SEC31B: variants seen among roughly 807,000 people sequenced by gnomAD.
SEC31B encodes SEC31 homolog B, COPII component.
In SEC31B, 113 loss-of-function variants were observed where a neutral mutation model predicts 135.0. That is an observed-to-expected ratio of 0.84 (90% CI 0.72 to 0.98). SEC31B has a LOEUF of 0.98. Ranked by LOEUF, SEC31B falls within the 50% of genes least tolerant of loss-of-function variation. SEC31B has a pLI of 0.00. For missense variants in SEC31B, 1,296 were observed against 1,421.1 expected, an observed-to-expected ratio of 0.91 and a Z score of 1.42; for synonymous variants, 508 against 549.4, an observed-to-expected ratio of 0.92 and a Z score of 1.05.
At chr10:100,497,044 A>G in intron 17 of SEC31B, 91 bp downstream of exon 17, 1 of 1,495,266 alleles carries the variant, frequency 6.7e-7, no homozygotes, top group Non-Finnish European at 9.1e-7. Context: ...CCTGTCCCAG[A>G]AGATTCGCCT....
At position 100,498,104 on chromosome 10, in the gene SEC31B, G is replaced by C; in HGVS notation, c.1788C>G (p.Ala596=). ...TCAGCAGATCTGTACCCCCAGCCTG[G>C]GCCAGGATAATGGCATCAGCAAAGC... ...EERFADAIIL[A]QAGGTDLLKQ... The change falls in exon 15 of 26, where the codon GCC becomes GCG. Residue 596 remains alanine (A), a synonymous_variant. Transcript: ENST00000370345. 1 of 1,614,120 alleles carries C rather than the reference G, an allele frequency of 6.2e-7. No individual in the cohort carries two copies. The highest frequency in any genetic ancestry group is 8.5e-7 in the Non-Finnish European group (1 of 1,180,030).
intron 11 of SEC31B, among the ~76,000 whole-genome samples, chr10:100,501,874 T>C (rs1851530627): frequency 6.6e-6 from 1 of 152,232 alleles, no homozygotes; most frequent in Non-Finnish European, 1.5e-5. Context: ...TAACTAATGT[T>C]TTTCCTTTCT....
At chr10:100,517,424 C>G (rs932545909) in intron 1 of SEC31B, among the ~76,000 whole-genome samples, 1 of 152,186 alleles carries the variant, frequency 6.6e-6, no homozygotes, top group Admixed American at 6.5e-5. Context: ...TGCAGTGACA[C>G]GATCTCAGCT....
In SEC31B at chr10:100,489,072, T is replaced by C. The variant is rs189443030; in HGVS notation, c.3172-98A>G. 182 of 1,510,078 alleles carry C rather than the reference T, an allele frequency of 1.2e-4. 1 individual carries two copies. The East Asian group carries it at 2.9e-3, about 24-fold the overall frequency. The allele number at this position is 1,510,078 out of a possible 1,614,324, so 93.5% of individuals were successfully genotyped here. On this transcript the variant is annotated intron_variant, in intron 23 of 25. Transcript: ENST00000370345. ...CCCCAGTGACTCACAGTCACACTGT[T>C]CCCATTACAGCAGAGTTGGGGAGAT...
At chr10:100,513,585 T>G (rs2133697692) in intron 3 of SEC31B, among the ~76,000 whole-genome samples, 1 of 152,142 alleles carries the variant, frequency 6.6e-6, no homozygotes, top group East Asian at 1.9e-4. Flanking sequence ...TTCTGGTGCC[T>G]CAGCCTCCCG....
chr10:100,517,486 C>T (rs745534409), intron 1 of SEC31B, among the ~76,000 whole-genome samples: 43 of 152,174 alleles, frequency 2.8e-4, no homozygotes, highest in African/African-American at 1.0e-3. Context: ...CTCAGCCTCC[C>T]GAGTGGCTGG....
chr10:100,502,947 G>A (rs1851550795), intron 10 of SEC31B, among the ~76,000 whole-genome samples: 2 of 152,012 alleles, frequency 1.3e-5, no homozygotes, highest in Non-Finnish European at 2.9e-5. Flanking sequence ...CTCTAATTAA[G>A]CCTTAGACTA....
rs1183897822 is a variant in SEC31B at position 100,495,384 on chromosome 10, C to T, written c.2472+1G>A. On this transcript the variant is annotated splice_donor_variant, in intron 19 of 25. Transcript: ENST00000370345. LOFTEE classifies it high-confidence loss of function. ...AAATGAATGAACAAACGAGGTCTTA[C>T]CTGGTGAGAAGGCTGGGATCCCAAT... 2 of 1,613,050 alleles carry T rather than the reference C, an allele frequency of 1.2e-6. No individual in the cohort carries two copies. Among genetic ancestry groups the T allele is most frequent in the South Asian group, 1.1e-5 (1 of 90,648 alleles).
chr10:100,515,497 C>T (rs1263186794), intron 3 of SEC31B, among the ~76,000 whole-genome samples: 1 of 152,156 alleles, frequency 6.6e-6, no homozygotes, highest in East Asian at 1.9e-4. Flanking sequence ...TAGGCCTTGA[C>T]TTAAATCCTA....
chr10:100,515,917 G>GT (rs1237480301), intron 3 of SEC31B, among the ~76,000 whole-genome samples, 179 bp downstream of exon 3: 9 of 151,998 alleles, frequency 5.9e-5, no homozygotes, highest in Non-Finnish European at 1.2e-4. Flanking sequence ...ACTGGAAAGG[G>GT]GGGGGGTGGT....
chr10:100,506,999 C>A (rs1851644864), intron 7 of SEC31B, among the ~76,000 whole-genome samples: 1 of 152,152 alleles, frequency 6.6e-6, no homozygotes, highest in African/African-American at 2.4e-5. Flanking sequence ...TACAAAGGCA[C>A]CATGGCCCTT....
chr10:100,499,949 T>G (rs2273696), intron 11 of SEC31B, among the ~76,000 whole-genome samples: 36,133 of 152,118 alleles, frequency 0.24, 5,098 homozygotes, highest in Middle Eastern at 0.31. Context: ...AACCTAGAAA[T>G]AATTAATGTG....
At chr10:100,488,425 C>T (rs1314894537) in intron 24 of SEC31B, among the ~76,000 whole-genome samples, 2 of 145,094 alleles carry the variant, frequency 1.4e-5, no homozygotes, top group African/African-American at 5.2e-5. Context: ...CGCCACTGCA[C>T]TCCAGCCTGG....
Position 100,489,728 on chromosome 10 carries a change from G to A in SEC31B, c.2999C>T (p.Pro1000Leu), listed in dbSNP as rs779579756. ...PQDSWKEAPA[P>L]RGNLQRNKLP... ...CTTGTTCCTCTGGAGGTTTCCCCTG[G>A]GGGCTGGGGCTTCTTTCCAGGAATC... The change falls in exon 22 of 26, where the codon CCC becomes CTC. Residue 1000 changes from proline to leucine, a missense_variant. Coordinates refer to ENST00000370345, the MANE Select transcript of SEC31B (RefSeq NM_015490.4). 2 of 1,614,138 alleles carry A rather than the reference G, an allele frequency of 1.2e-6. No individual in the cohort carries two copies. The highest frequency in any genetic ancestry group is 8.5e-7 in the Non-Finnish European group (1 of 1,180,020).
At position 100,498,712 on chromosome 10, in the gene SEC31B, G is replaced by A. The variant is rs1851460368; in HGVS notation, c.1677C>T (p.Ile559=). Residue 559 remains isoleucine (I), a synonymous_variant, in exon 14 of 26, where the codon ATC becomes ATT. Transcript: ENST00000370345. ...PQNMTPWEIP[I]TKDIDGLLSQ... Reference sequence around the variant, plus strand: ...CCCTCAGGGTCAGGGTACCTTTTGTGATGGGGATCTCCCAAGGAGTCATGT... The same window carrying A: ...CCCTCAGGGTCAGGGTACCTTTTGTAATGGGGATCTCCCAAGGAGTCATGT... The A allele has an allele frequency of 1.2e-6, 2 of 1,611,568 alleles. No homozygotes were observed. The highest frequency in any genetic ancestry group is 1.3e-5 in the African/African-American group (1 of 74,868).
chr10:100,508,067 GA>G lies in SEC31B; in HGVS notation c.496-17del, dbSNP rs1335928938. ...CTGGAGGCTGCTAAGGCAGGATGGG[GA>G]CAGAAAGATGACAACTTGTCACCCC... On this transcript the variant is annotated splice_polypyrimidine_tract_variant and intron_variant, in intron 5 of 25. Transcript: ENST00000370345. 5 of 1,613,716 alleles carry G rather than the reference GA, an allele frequency of 3.1e-6. No individual in the cohort carries two copies. Among genetic ancestry groups the G allele is most frequent in the Non-Finnish European group, 4.2e-6 (5 of 1,179,794 alleles).
At chr10:100,511,683 C>T (rs1851740145) in intron 3 of SEC31B, among the ~76,000 whole-genome samples, 1 of 152,108 alleles carries the variant, frequency 6.6e-6, no homozygotes, top group South Asian at 2.1e-4. Context: ...TGGATTATTT[C>T]ATTTTCTTAG....
rs369687639 is a variant in SEC31B at position 100,516,920 on chromosome 10, G to A, written c.33C>T (p.Val11=). The A allele has an allele frequency of 2.5e-5, 41 of 1,614,010 alleles. No homozygotes were observed. The African/African-American group carries it at 5.1e-4, about 20-fold the overall frequency. The change falls in exon 2 of 26, where the codon GTC becomes GTT. Residue 11 remains valine (V), a synonymous_variant. Transcript: ENST00000370345. ...ATTGGCTGGCTGGGCTCCATGCCTG[G>A]ACAGCTGGCCGCTCAAGTTCCTTCA... The part of the protein sequence containing the change: MKLKELERPA[V]QAWSPASQYP...
At position 100,488,865 on chromosome 10, in the gene SEC31B, G is replaced by A. The variant is rs758341498; in HGVS notation, c.3281C>T (p.Thr1094Ile). 3 of 1,595,434 alleles carry A rather than the reference G, an allele frequency of 1.9e-6. No individual in the cohort carries two copies. The highest frequency in any genetic ancestry group is 2.6e-6 in the Non-Finnish European group (3 of 1,171,516). ...AAGAAGGTTCAGACTTACTAAGTCA[G>A]TTGCAGACAGGGAGCAGCGTTGGAG... The part of the protein sequence containing the change: ...ALLQRCSLSA[T>I]DLKTKRKLEE... Residue 1094 changes from threonine (T) to isoleucine (I), a missense_variant, in exon 24 of 26, where the codon ACT becomes ATT. Physicochemically the swap from Thr to Ile is moderately conservative, Grantham distance 89. Coordinates refer to ENST00000370345, the MANE Select transcript of SEC31B (RefSeq NM_015490.4).
Sources: allele counts gnomAD v4.1 joint callset (sites outside exome capture counted in the v4.1 genomes callset), GRCh38; gene constraint gnomAD v4.1.1; transcripts MANE v1.5; gene names NCBI Gene and HGNC (gene_info 2026-07-23, HGNC 2026-07-21).